The following P2RX7 variants were observed in gnomAD, a reference collection of about 807,000 sequenced individuals.
The protein encoded by P2RX7 is purinergic receptor P2X 7, also known as P2X purinoceptor 7.
In P2RX7, 62 loss-of-function variants were observed where a neutral mutation model predicts 71.6. That is an observed-to-expected ratio of 0.87 (90% CI 0.71 to 1.07). P2RX7 has a LOEUF of 1.07. P2RX7 is among the 50% of genes least tolerant of loss of function. The pLI is 0.00. For missense variants in P2RX7, 686 were observed against 748.5 expected, an observed-to-expected ratio of 0.92 and a Z score of 0.97; for synonymous variants, 299 against 283.3, an observed-to-expected ratio of 1.06 and a Z score of -0.56.
chr12:121,171,947 C>T (rs148512694), intron 8 of P2RX7, among the ~76,000 whole-genome samples: 241 of 150,456 alleles, frequency 1.6e-3, no homozygotes, highest in Middle Eastern at 3.5e-3. Context: ...CTGCAAGCTC[C>T]GCCTCCCGGG....
intron 7 of P2RX7, 82 bp from the exon 8 acceptor site, chr12:121,167,406 T>C: frequency 6.5e-7 from 1 of 1,533,598 alleles, no homozygotes; most frequent in Admixed American, 1.8e-5. Context: ...CCTTAAGCAA[T>C]CCTGGCTATG....
At position 121,167,491 on chromosome 12, in the gene P2RX7, G is replaced by A. The variant is rs755538796; in HGVS notation, c.748G>A (p.Gly250Arg). The A allele has an allele frequency of 1.8e-5, 29 of 1,613,936 alleles. No homozygotes were observed. The highest frequency in any genetic ancestry group is 1.6e-4 in the African/African-American group (12 of 75,018). ...CTGTCCCTTGTTGATCCTTCAGGGC[G>A]GAATAATGGGCATTGAGATCTACTG... Reference protein sequence around the residue: ...DNFSDVAIQGGIMGIEIYWDC... With the variant: ...DNFSDVAIQGRIMGIEIYWDC... The change falls in exon 8 of 13, where the codon GGA becomes AGA. Residue 250 changes from glycine to arginine, a missense_variant. Coordinates refer to ENST00000328963, the MANE Select transcript of P2RX7 (RefSeq NM_002562.6).
intron 12 of P2RX7, among the ~76,000 whole-genome samples, chr12:121,183,286 C>T (rs1413348829): frequency 1.3e-5 from 2 of 151,404 alleles, no homozygotes; most frequent in African/African-American, 4.9e-5. Context: ...AAAACTAAGT[C>T]ATGGCCGGGT....
chr12:121,169,437 G>A (rs1352688435), intron 8 of P2RX7, among the ~76,000 whole-genome samples: 3 of 152,114 alleles, frequency 2.0e-5, no homozygotes, highest in Non-Finnish European at 2.9e-5. Flanking sequence ...AGTTCTCCTC[G>A]TGGGCTTTGA....
intron 1 of P2RX7, among the ~76,000 whole-genome samples, chr12:121,145,499 CTTCT>C (rs908471142): frequency 1.3e-5 from 2 of 149,406 alleles, no homozygotes; most frequent in Admixed American, 6.7e-5. Context: ...CCCTTTCTTT[CTTCT>C]TTCTTTCTTT....
chr12:121,183,728 T>C (rs1180353875), intron 12 of P2RX7, among the ~76,000 whole-genome samples: 3 of 151,876 alleles, frequency 2.0e-5, no homozygotes, highest in African/African-American at 4.8e-5. Flanking sequence ...AGAGGTGACA[T>C]CTCAACAGAG....
chr12:121,144,123 A>G (rs755346696), intron 1 of P2RX7, among the ~76,000 whole-genome samples: 3 of 152,200 alleles, frequency 2.0e-5, no homozygotes, highest in Non-Finnish European at 2.9e-5. Flanking sequence ...TTTTCTGGAC[A>G]ATCTTTCTTC....
chr12:121,167,723 A>C (rs1881385263), intron 8 of P2RX7, 99 bp downstream of exon 8: 16 of 1,088,314 alleles, frequency 1.5e-5, no homozygotes, highest in Non-Finnish European at 2.0e-5. Flanking sequence ...AGATGAATGA[A>C]AAAAGACTTT....
chr12:121,179,261 G>A (rs1368270738), intron 11 of P2RX7, among the ~76,000 whole-genome samples: 3 of 152,130 alleles, frequency 2.0e-5, no homozygotes, highest in Non-Finnish European at 4.4e-5. Flanking sequence ...TACTTTGGGA[G>A]GCCAAGGAGG....
chr12:121,181,610 C>T (rs1884151590), intron 12 of P2RX7, among the ~76,000 whole-genome samples: 1 of 151,990 alleles, frequency 6.6e-6, no homozygotes, highest in Admixed American at 6.6e-5. Flanking sequence ...AATCTCAGCA[C>T]TTTGGGAGGC....
intron 8 of P2RX7, among the ~76,000 whole-genome samples, chr12:121,168,048 A>G (rs1881463381): frequency 6.6e-6 from 1 of 152,058 alleles, no homozygotes; most frequent in Non-Finnish European, 1.5e-5. Flanking sequence ...ACCCTGAAAT[A>G]ATCAATAACA....
intron 12 of P2RX7, 22 bp downstream of exon 12, chr12:121,180,477 T>A: frequency 2.3e-6 from 2 of 872,780 alleles, no homozygotes; most frequent in Non-Finnish European, 3.2e-6. Context: ...CATTTTGTCT[T>A]TTTTTTTTTT....
intron 3 of P2RX7, among the ~76,000 whole-genome samples, chr12:121,157,279 G>A (rs1878766023): frequency 6.6e-6 from 1 of 152,166 alleles, no homozygotes; most frequent in South Asian, 2.1e-4. Flanking sequence ...GGCCCACTCT[G>A]GCAACAAGGT....
intron 11 of P2RX7, 96 bp from the exon 12 acceptor site, chr12:121,180,258 A>G (rs1356794232): frequency 1.8e-6 from 1 of 567,302 alleles, no homozygotes; most frequent in Non-Finnish European, 3.1e-6. Flanking sequence ...TCAATAGTCT[A>G]TCATTTGGCA....
chr12:121,157,319 G>A lies in P2RX7; in HGVS notation c.363+1172G>A, dbSNP rs1208242197. Among the ~76,000 whole-genome samples, 3 of 152,182 alleles carry A rather than the reference G, an allele frequency of 2.0e-5. No homozygotes were observed. In the East Asian group the frequency reaches 5.8e-4, roughly 29 times the overall value. On this transcript the variant is annotated intron_variant, in intron 3 of 12. Transcript: ENST00000328963. ...CTTCCTGAGTGTCCAGGACCTCTGG[G>A]CAAAAGTGCTGTCTTTGAGTACAGT... is the stretch of plus-strand genomic sequence containing the variant.
In P2RX7 at chr12:121,165,272, A is replaced by C. The variant is rs1880765529; in HGVS notation, c.534-85A>C. ...ATGTATCCCAAAGACCAAGCCAAGAAACCAGAAGCCTCTGGTCCCACTGGC... is the reference window on the plus strand; with the variant it reads ...ATGTATCCCAAAGACCAAGCCAAGACACCAGAAGCCTCTGGTCCCACTGGC... On this transcript the variant is annotated intron_variant, in intron 5 of 12. Transcript: ENST00000328963. 56 of 1,008,514 alleles carry C rather than the reference A, an allele frequency of 5.6e-5. 5 individuals are homozygous for C. The South Asian group carries it at 7.4e-4, about 13-fold the overall frequency. The allele number at this position is 1,008,514 out of a possible 1,614,324, so 62.5% of individuals were successfully genotyped here.
At chr12:121,153,438 G>T (rs1428498204) in intron 1 of P2RX7, among the ~76,000 whole-genome samples, 5 of 151,796 alleles carry the variant, frequency 3.3e-5, no homozygotes, top group Non-Finnish European at 5.9e-5. Flanking sequence ...AGCACTTTGG[G>T]AGGCCAAGGT....
rs1884832570 is a variant in P2RX7 at position 121,185,848 on chromosome 12, G to C, written c.*1046G>C. The C allele has an allele frequency of 6.6e-6, 1 of 152,116 alleles. No homozygotes were observed. Among genetic ancestry groups the C allele is most frequent in the Non-Finnish European group, 1.5e-5 (1 of 68,090 alleles). 9.4% of individuals were successfully genotyped at this position (152,116 alleles called of 1,614,324 possible). The stretch of plus-strand genomic sequence containing the variant: ...AGGCGGGCGGATCACTTAAAGTCAG[G>C]AGTCCAAGACCAGACTCGCCAACAT... On this transcript the variant is annotated 3_prime_UTR_variant, in exon 13 of 13. Transcript: ENST00000328963.
intron 5 of P2RX7, among the ~76,000 whole-genome samples, chr12:121,164,706 C>T (rs1025137267): frequency 3.3e-5 from 5 of 152,122 alleles, no homozygotes; most frequent in African/African-American, 9.7e-5. Context: ...CGCTTGAACC[C>T]GGGAGGTGGA....
Sources: gnomAD v4.1 joint callset for allele counts (sites outside exome capture counted in the v4.1 genomes callset) on GRCh38, gnomAD v4.1.1 for gene constraint, MANE v1.5 for transcripts, NCBI Gene and HGNC (gene_info 2026-07-23, HGNC 2026-07-21) for gene names.